Variants in SPIDR observed in about 807,000 individuals in gnomAD.
SPIDR encodes DNA repair-scaffolding protein.
A neutral mutation model predicts 104.6 loss-of-function variants in SPIDR; 93 were observed. The ratio of observed to expected loss-of-function variants is 0.89; its 90% CI spans 0.75 to 1.06. The LOEUF is 1.06. SPIDR is among the 50% of genes least tolerant of loss of function. The probability of loss-of-function intolerance (pLI) is 0.00; values close to 1 mark genes in which losing one functional copy is unlikely to be tolerated. For synonymous variants in SPIDR, 431 were observed against 416.9 expected, an observed-to-expected ratio of 1.03 and a Z score of -0.41; for missense variants, 1,154 against 1,111.2, an observed-to-expected ratio of 1.04 and a Z score of -0.55.
At chr8:47,481,934 C>G (rs2076943367) in intron 8 of SPIDR, among the ~76,000 whole-genome samples, 1 of 152,202 alleles carries the variant, frequency 6.6e-6, no homozygotes, top group South Asian at 2.1e-4. Context: ...GATAATATCA[C>G]TTTTAATGTA....
chr8:47,469,379 A>G (rs2075352605), intron 8 of SPIDR, among the ~76,000 whole-genome samples: 1 of 152,214 alleles, frequency 6.6e-6, no homozygotes, highest in African/African-American at 2.4e-5. Context: ...ATATATACCC[A>G]AAGGAATATA....
chr8:47,331,604 T>A (rs1045026320), intron 5 of SPIDR, among the ~76,000 whole-genome samples: 1 of 152,210 alleles, frequency 6.6e-6, no homozygotes, highest in Non-Finnish European at 1.5e-5. Flanking sequence ...TGAGTGAGTG[T>A]TGAGTGAATG....
intron 8 of SPIDR, among the ~76,000 whole-genome samples, chr8:47,515,244 AC>A (rs2082937468): frequency 6.6e-6 from 1 of 152,182 alleles, no homozygotes; most frequent in Non-Finnish European, 1.5e-5. Context: ...TGCTAAAGAA[AC>A]CAGTGACCTA....
chr8:47,340,016 A>G (rs1280884260), intron 5 of SPIDR, among the ~76,000 whole-genome samples: 3 of 152,100 alleles, frequency 2.0e-5, no homozygotes, highest in African/African-American at 4.8e-5. Flanking sequence ...ATTTCTATCC[A>G]TAAGTGTAAA....
At position 47,321,064 on chromosome 8, in the gene SPIDR, A is replaced by C. The variant is rs187844925; in HGVS notation, c.525+27034A>C. On this transcript the variant is annotated intron_variant, in intron 5 of 19. Transcript: ENST00000297423. Reference sequence around the variant, plus strand: ...AGGGATGCCCTCTCTCACCGCTCCTATTCAACATGGTGTTGGAAGTTCTGG... The same window carrying C: ...AGGGATGCCCTCTCTCACCGCTCCTCTTCAACATGGTGTTGGAAGTTCTGG... Among the ~76,000 whole-genome samples, 96 of 152,310 alleles carry C rather than the reference A, an allele frequency of 6.3e-4. 2 individuals carry two copies. The East Asian group carries it at 0.017, about 26-fold the overall frequency.
At chr8:47,671,640 A>G (rs971858863) in intron 10 of SPIDR, among the ~76,000 whole-genome samples, 1 of 152,022 alleles carries the variant, frequency 6.6e-6, no homozygotes, top group African/African-American at 2.4e-5. Flanking sequence ...AAAAATTAAA[A>G]TGTCCTTATT....
intron 8 of SPIDR, among the ~76,000 whole-genome samples, chr8:47,531,769 T>C (rs1019528082): frequency 6.6e-6 from 1 of 152,206 alleles, no homozygotes; most frequent in African/African-American, 2.4e-5. Flanking sequence ...GTAAGAATCT[T>C]TCAGCTCCAT....
At chr8:47,391,019 G>A (rs1289029822) in intron 5 of SPIDR, among the ~76,000 whole-genome samples, 1 of 152,066 alleles carries the variant, frequency 6.6e-6, no homozygotes. Context: ...ATGCACACCT[G>A]TACATATCCT....
At chr8:47,589,018 G>GTTTTTTTTTT (rs1564409706) in intron 8 of SPIDR, among the ~76,000 whole-genome samples, 1 of 108,566 alleles carries the variant, frequency 9.2e-6, no homozygotes, top group African/African-American at 3.6e-5. Context: ...TTGGTTTATA[G>GTTTTTTTTTT]TTTGTTTTTT....
chr8:47,558,120 G>A (rs981444447), intron 8 of SPIDR, among the ~76,000 whole-genome samples: 3 of 152,148 alleles, frequency 2.0e-5, no homozygotes, highest in African/African-American at 4.8e-5. Context: ...TGTACATAAA[G>A]ATAGGAATAA....
intron 8 of SPIDR, among the ~76,000 whole-genome samples, chr8:47,551,307 C>G (rs1328763242): frequency 1.3e-5 from 2 of 151,330 alleles, no homozygotes; most frequent in African/African-American, 4.9e-5. Flanking sequence ...GGAGGATTCC[C>G]TCTTTTTCTA....
intron 8 of SPIDR, among the ~76,000 whole-genome samples, chr8:47,512,458 C>G (rs553932905): frequency 6.6e-6 from 1 of 152,166 alleles, no homozygotes; most frequent in African/African-American, 2.4e-5. Flanking sequence ...CAGCTCTGTT[C>G]CCCCTCTCTC....
intron 7 of SPIDR, among the ~76,000 whole-genome samples, chr8:47,416,983 T>C (rs1226930826): frequency 2.6e-5 from 4 of 152,210 alleles, no homozygotes; most frequent in African/African-American, 9.6e-5. Context: ...TGCATAGTAT[T>C]CCATGGTGTA....
chr8:47,336,212 T>C (rs1282045668), intron 5 of SPIDR, among the ~76,000 whole-genome samples: 2 of 152,230 alleles, frequency 1.3e-5, no homozygotes, highest in African/African-American at 2.4e-5. Context: ...TAAAAATCTG[T>C]TCACCACTTG....
At chr8:47,527,798 A>G (rs1324875840) in intron 8 of SPIDR, 20 of 152,232 alleles carry the variant, frequency 1.3e-4, no homozygotes, top group African/African-American at 4.1e-4. Context: ...ATCTTTGGAC[A>G]GAGAGCTACT....
intron 8 of SPIDR, chr8:47,592,620 C>A: frequency 8.8e-7 from 1 of 1,137,576 alleles, no homozygotes; most frequent in East Asian, 2.4e-5. Flanking sequence ...TTATCAGAAC[C>A]CGAGTTCGGC....
chr8:47,650,285 T>C (rs2071378334), intron 10 of SPIDR, among the ~76,000 whole-genome samples: 1 of 152,142 alleles, frequency 6.6e-6, no homozygotes, highest in African/African-American at 2.4e-5. Context: ...TGTACAAAAA[T>C]CAGTAGCACT....
At chr8:47,682,724 G>A (rs1298549997) in intron 11 of SPIDR, among the ~76,000 whole-genome samples, 1 of 152,108 alleles carries the variant, frequency 6.6e-6, no homozygotes, top group African/African-American at 2.4e-5. Context: ...TATCAAAAAG[G>A]TATAACATAA....
chr8:47,530,798 A>C (rs2085850516), intron 8 of SPIDR, among the ~76,000 whole-genome samples: 1 of 152,032 alleles, frequency 6.6e-6, no homozygotes, highest in South Asian at 2.1e-4. Context: ...ATTTTTCTTA[A>C]TTTTTTATCC....
Sources: gnomAD v4.1 joint callset for allele counts (sites outside exome capture counted in the v4.1 genomes callset) on GRCh38, gnomAD v4.1.1 for gene constraint, MANE v1.5 for transcripts, NCBI Gene and HGNC (gene_info 2026-07-23, HGNC 2026-07-21) for gene names.